PTPN14: variants seen among roughly 807,000 people sequenced by gnomAD.
PTPN14 encodes the protein protein tyrosine phosphatase non-receptor type 14.
A neutral mutation model predicts 126.8 loss-of-function variants in PTPN14; 53 were observed. The observed-to-expected ratio is 0.42, with a 90% CI of 0.34 to 0.53. The LOEUF (loss-of-function observed/expected upper bound fraction) is 0.53, where lower values mean the gene tolerates loss of function less well. PTPN14 is among the 20% of genes least tolerant of loss of function. The pLI is 0.08. For missense variants in PTPN14, 1,257 were observed against 1,552.9 expected (o/e 0.81, Z 3.20); for synonymous variants, 630 against 599.3 (o/e 1.05, Z -0.75).
Position 214,464,705 on chromosome 1 carries a change from G to T in PTPN14, c.99C>A (p.Ile33=), listed in dbSNP as rs142949490. ...TGCTTTCCACCGACAGCGTGCACTC[G>T]ATAACATTGCTGTCCAGCAGGCGAA... ...TRIRLLDSNV[I]ECTLSVESTG... Residue 33 remains isoleucine (I), a synonymous_variant, in exon 2 of 19, where the codon ATC becomes ATA. Coordinates refer to ENST00000366956, the MANE Select transcript of PTPN14 (RefSeq NM_005401.5). 9 of 1,614,268 alleles carry T rather than the reference G, an allele frequency of 5.6e-6. No individual in the cohort carries two copies. In the South Asian group the frequency reaches 9.9e-5, roughly 18 times the overall value.
At position 214,396,302 on chromosome 1, in the gene PTPN14, G is replaced by A. The variant is rs951221526; in HGVS notation, c.759-1316C>T. On this transcript the variant is annotated intron_variant, in intron 8 of 18. Transcript: ENST00000366956. Reference sequence around the variant, plus strand: ...AAGGATGGATGAGCTCTTTACCTGGGGTTTCCAGCCTTTCCTCCAGTCATC... The same window carrying A: ...AAGGATGGATGAGCTCTTTACCTGGAGTTTCCAGCCTTTCCTCCAGTCATC... Among the ~76,000 whole-genome samples, 4 of 152,042 alleles carry A rather than the reference G, an allele frequency of 2.6e-5. No homozygotes were observed. In the South Asian group the frequency reaches 6.2e-4, roughly 24 times the overall value.
At chr1:214,428,523 CCTTTTT>C (rs754574635) in intron 3 of PTPN14, among the ~76,000 whole-genome samples, 2 of 152,186 alleles carry the variant, frequency 1.3e-5, no homozygotes, top group African/African-American at 2.4e-5. Flanking sequence ...TCTCCCTTTT[CCTTTTT>C]ATCATCTTCT....
Position 214,384,281 on chromosome 1 carries a change from G to A in PTPN14, c.1574C>T (p.Pro525Leu), listed in dbSNP as rs767967885. The A allele has an allele frequency of 1.7e-5, 27 of 1,614,064 alleles. No individual in the cohort carries two copies. The Admixed American group carries it at 4.0e-4, about 24-fold the overall frequency. ...GATGGCGCTTGCCCCCGGCTTGCTT[G>A]GTACCACATTATTCTTTGGGTTCCT... ...DQRNPKNNVV[P>L]SKPGASAISH... Residue 525 changes from proline (P) to leucine (L), a missense_variant, in exon 13 of 19, where the codon CCA becomes CTA. By Grantham distance (98) the Pro-to-Leu change is moderately conservative (BLOSUM62 -3). Coordinates refer to ENST00000366956, the MANE Select transcript of PTPN14 (RefSeq NM_005401.5). This position sits in a 1 kb window ranked among gnomAD's most constrained non-coding sequence, Gnocchi z 5.3.
chr1:214,390,944 G>C lies in PTPN14; in HGVS notation c.987+44C>G, dbSNP rs1268869944. The C allele has an allele frequency of 2.9e-6, 4 of 1,394,570 alleles. No homozygotes were observed. In the Admixed American group the frequency reaches 8.7e-5, roughly 30 times the overall value. The allele number at this position is 1,394,570 out of a possible 1,614,324, so 86.4% of individuals were successfully genotyped here. On this transcript the variant is annotated intron_variant, in intron 11 of 18. Transcript: ENST00000366956. The stretch of plus-strand genomic sequence containing the variant: ...CCACCTCAAATTAATAACAAAGAAT[G>C]CTCAACAGTCAGATCACTTGATCAC...
At chr1:214,501,064 A>G (rs968516124) in intron 1 of PTPN14, among the ~76,000 whole-genome samples, 2 of 152,224 alleles carry the variant, frequency 1.3e-5, no homozygotes, top group Non-Finnish European at 2.9e-5. Context: ...AGGCTGTACA[A>G]TTTTAAGGCA....
intron 1 of PTPN14, among the ~76,000 whole-genome samples, chr1:214,492,166 A>G (rs1354739219): frequency 6.6e-6 from 1 of 152,098 alleles, no homozygotes; most frequent in African/African-American, 2.4e-5. Flanking sequence ...AACCTATCAA[A>G]TGCAGGATAC....
At chr1:214,480,952 G>A (rs971253479) in intron 1 of PTPN14, among the ~76,000 whole-genome samples, 13 of 152,158 alleles carry the variant, frequency 8.5e-5, no homozygotes, top group Admixed American at 2.6e-4. Context: ...AGCCCACACA[G>A]AGGCAAGGGC....
chr1:214,358,205 C>T (rs573580261), intron 18 of PTPN14, among the ~76,000 whole-genome samples, 155 bp from the exon 19 acceptor site: 19 of 152,306 alleles, frequency 1.2e-4, no homozygotes, highest in African/African-American at 4.3e-4. Flanking sequence ...ATGCATCAAA[C>T]AGTTTATATC....
At chr1:214,548,531 T>A (rs1371050478) in intron 1 of PTPN14, among the ~76,000 whole-genome samples, 1 of 152,236 alleles carries the variant, frequency 6.6e-6, no homozygotes, top group Non-Finnish European at 1.5e-5. Context: ...CTCACAGCAC[T>A]GTTCTCAGGC....
At chr1:214,402,480 G>GATCACT (rs1253215339) in intron 6 of PTPN14, among the ~76,000 whole-genome samples, 1 of 144,496 alleles carries the variant, frequency 6.9e-6, no homozygotes, top group Non-Finnish European at 1.5e-5. Context: ...GAGAACTTAG[G>GATCACT]ATCACTGCAT....
chr1:214,449,357 A>T (rs780860762), intron 3 of PTPN14, among the ~76,000 whole-genome samples: 3 of 152,198 alleles, frequency 2.0e-5, no homozygotes, highest in Non-Finnish European at 4.4e-5. Context: ...TTCATAAAGC[A>T]TAACTTCTGA....
At chr1:214,401,404 A>G (rs547898225) in intron 7 of PTPN14, among the ~76,000 whole-genome samples, 1 of 152,260 alleles carries the variant, frequency 6.6e-6, no homozygotes, top group African/African-American at 2.4e-5. Context: ...ATAAGGCTGG[A>G]TATCAGCCTT....
intron 11 of PTPN14, among the ~76,000 whole-genome samples, chr1:214,387,631 T>C (rs1036763127): frequency 7.0e-6 from 1 of 143,258 alleles, no homozygotes; most frequent in Non-Finnish European, 1.5e-5. Context: ...TAAGCCAAGA[T>C]CATGCTACCG....
At chr1:214,474,825 C>A (rs1660833082) in intron 1 of PTPN14, among the ~76,000 whole-genome samples, 1 of 152,158 alleles carries the variant, frequency 6.6e-6, no homozygotes, top group African/African-American at 2.4e-5. Flanking sequence ...CATTTCTCCA[C>A]CCCCTGCTTT....
chr1:214,460,249 G>A (rs1337804320), intron 2 of PTPN14, among the ~76,000 whole-genome samples: 2 of 152,112 alleles, frequency 1.3e-5, no homozygotes, highest in East Asian at 3.8e-4. Flanking sequence ...TCAAAAGGTG[G>A]TAATTATCCT....
intron 3 of PTPN14, among the ~76,000 whole-genome samples, chr1:214,438,307 T>C (rs758174798): frequency 6.6e-6 from 1 of 152,164 alleles, no homozygotes; most frequent in South Asian, 2.1e-4. Context: ...CTGATAACCT[T>C]AGCCTTCCTA....
At chr1:214,450,508 C>A (rs1472419931) in intron 3 of PTPN14, among the ~76,000 whole-genome samples, 1 of 151,284 alleles carries the variant, frequency 6.6e-6, no homozygotes, top group Non-Finnish European at 1.5e-5. Context: ...AAAGAAAAAG[C>A]AAGCAAGCAG....
chr1:214,447,463 G>A (rs1660171321), intron 3 of PTPN14, among the ~76,000 whole-genome samples: 5 of 151,660 alleles, frequency 3.3e-5, no homozygotes, highest in Admixed American at 2.6e-4. Context: ...TACAACCTAC[G>A]GCATGTCTTG....
rs916539061 is a variant in PTPN14 at position 214,354,289 on chromosome 1, T to A, written c.*3633A>T. 6.6e-6 allele frequency: 1 copy of A among 152,250 alleles called. No individual in the cohort carries two copies. The highest frequency in any genetic ancestry group is 1.5e-5 in the Non-Finnish European group (1 of 68,044). The allele number at this position is 152,250 out of a possible 1,614,324, so 9.4% of individuals were successfully genotyped here. A position where few individuals can be genotyped will look rare whatever the true frequency, so the allele number is the denominator to read the frequency against. On this transcript the variant is annotated 3_prime_UTR_variant, in exon 19 of 19. Coordinates refer to ENST00000366956, the MANE Select transcript of PTPN14 (RefSeq NM_005401.5). Reference sequence around the variant, plus strand: ...ATTTAAGCTCCTCAAAAGCTTACGATTCAAAATATTCCACATAGGTATTTT... The same window carrying A: ...ATTTAAGCTCCTCAAAAGCTTACGAATCAAAATATTCCACATAGGTATTTT...
Sources: allele counts gnomAD v4.1 joint callset (sites outside exome capture counted in the v4.1 genomes callset), GRCh38; gene constraint gnomAD v4.1.1; non-coding constraint Gnocchi (gnomAD v3.1); transcripts MANE v1.5; gene names NCBI Gene and HGNC (gene_info 2026-07-23, HGNC 2026-07-21).